SDK1: variants seen among roughly 807,000 people sequenced by gnomAD.
SDK1 encodes the protein protein sidekick-1.
A neutral mutation model predicts 245.5 loss-of-function variants in SDK1; 157 were observed. The observed-to-expected ratio is 0.64, with a 90% CI of 0.56 to 0.73. The LOEUF is 0.73. Ranked by LOEUF, SDK1 falls within the 30% of genes least tolerant of loss-of-function variation. The pLI, the probability that SDK1 is intolerant of heterozygous loss-of-function variation, is 0.00. For missense variants in SDK1, 3,583 were observed against 3,002.3 expected, an observed-to-expected ratio of 1.19 and a Z score of -4.52; for synonymous variants, 1,647 against 1,278.5, an observed-to-expected ratio of 1.29 and a Z score of -6.15.
intron 17 of SDK1, among the ~76,000 whole-genome samples, chr7:4,040,070 C>G (rs1788504099): frequency 1.3e-5 from 2 of 152,102 alleles, no homozygotes; most frequent in African/African-American, 4.8e-5. Context: ...AGCAAAAAAG[C>G]TTTATTGAAT....
intron 5 of SDK1, among the ~76,000 whole-genome samples, chr7:3,848,209 A>C (rs1583473054): frequency 6.6e-6 from 1 of 152,226 alleles, no homozygotes; most frequent in Non-Finnish European, 1.5e-5. Flanking sequence ...ATAAAATGTT[A>C]ATTGGAAACG....
At chr7:4,123,230 G>C (rs1195144348) in intron 25 of SDK1, among the ~76,000 whole-genome samples, 1 of 152,188 alleles carries the variant, frequency 6.6e-6, no homozygotes, top group East Asian at 1.9e-4. Flanking sequence ...TTTGCAGACA[G>C]GGACAGAGGT....
intron 1 of SDK1, among the ~76,000 whole-genome samples, chr7:3,392,974 TTTTTTTC>T (rs1224908189): frequency 7.3e-5 from 10 of 136,306 alleles, no homozygotes; most frequent in Non-Finnish European, 9.3e-5. Context: ...TTTTTTTTTT[TTTTTTTC>T]TTTTTTGAGA....
At chr7:3,405,899 G>C (rs1054168343) in intron 1 of SDK1, among the ~76,000 whole-genome samples, 2 of 144,836 alleles carry the variant, frequency 1.4e-5, no homozygotes, top group African/African-American at 2.6e-5. Flanking sequence ...TGCAACCTCT[G>C]CCTCCCAGGT....
At chr7:4,132,746 G>A (rs552764386) in intron 28 of SDK1, among the ~76,000 whole-genome samples, 1 of 152,108 alleles carries the variant, frequency 6.6e-6, no homozygotes, top group South Asian at 2.1e-4. Context: ...GAAAAAAAAA[G>A]GAGTGATGGT....
intron 1 of SDK1, among the ~76,000 whole-genome samples, chr7:3,432,387 G>A (rs747219045): frequency 1.3e-5 from 2 of 152,040 alleles, no homozygotes; most frequent in Non-Finnish European, 2.9e-5. Context: ...TGATGTAGCA[G>A]TGTCAAAAGG....
intron 4 of SDK1, among the ~76,000 whole-genome samples, chr7:3,649,118 G>A (rs1782932653): frequency 6.6e-6 from 1 of 152,086 alleles, no homozygotes; most frequent in Non-Finnish European, 1.5e-5. Context: ...CCCTCAGTGG[G>A]TGTGTTCTGA....
chr7:4,235,240 C>T (rs981341472), intron 41 of SDK1, among the ~76,000 whole-genome samples: 2 of 152,178 alleles, frequency 1.3e-5, no homozygotes, highest in Non-Finnish European at 2.9e-5. Flanking sequence ...TCTTAGCTCA[C>T]TGCAACCTCC....
intron 1 of SDK1, among the ~76,000 whole-genome samples, chr7:3,433,523 CTTTCCCTA>C (rs1173059299): frequency 1.3e-5 from 2 of 152,092 alleles, no homozygotes; most frequent in Non-Finnish European, 2.9e-5. Flanking sequence ...TCCTTTTTCT[CTTTCCCTA>C]TTTCTTCTTC....
chr7:4,033,320 C>T (rs1027318054), intron 17 of SDK1, among the ~76,000 whole-genome samples: 4 of 152,058 alleles, frequency 2.6e-5, no homozygotes, highest in African/African-American at 4.8e-5. Flanking sequence ...CCAAGTGGAT[C>T]GGAGATATCA....
At chr7:3,572,447 T>G (rs547727895) in intron 1 of SDK1, among the ~76,000 whole-genome samples, 1 of 152,052 alleles carries the variant, frequency 6.6e-6, no homozygotes, top group South Asian at 2.1e-4. Context: ...AGGCATCACT[T>G]CTGACTGGGG....
chr7:3,693,649 T>G (rs1205804885), intron 4 of SDK1, among the ~76,000 whole-genome samples: 4 of 152,226 alleles, frequency 2.6e-5, no homozygotes, highest in Non-Finnish European at 5.9e-5. Context: ...TGTTTTTTTC[T>G]GGCTATAATT....
intron 1 of SDK1, among the ~76,000 whole-genome samples, chr7:3,453,651 G>A (rs554967229): frequency 6.6e-5 from 10 of 152,158 alleles, no homozygotes; most frequent in Non-Finnish European, 1.2e-4. Flanking sequence ...AGCCTCCAGA[G>A]GGAGAGCAGC....
intron 4 of SDK1, among the ~76,000 whole-genome samples, 159 bp downstream of exon 4, chr7:3,642,264 A>G (rs569221273): frequency 6.4e-4 from 98 of 152,340 alleles, no homozygotes; most frequent in Non-Finnish European, 1.2e-3. Flanking sequence ...CTATTTGAGG[A>G]CTGGCTTGAA....
chr7:4,225,562 C>T (rs1416539623), intron 40 of SDK1, among the ~76,000 whole-genome samples: 2 of 152,190 alleles, frequency 1.3e-5, no homozygotes, highest in African/African-American at 2.4e-5. Context: ...CTCAGGTTCT[C>T]ATATGCTGCT....
At chr7:3,745,620 G>T (rs970592761) in intron 4 of SDK1, among the ~76,000 whole-genome samples, 1 of 151,976 alleles carries the variant, frequency 6.6e-6, no homozygotes, top group Admixed American at 6.6e-5. Context: ...CCACAATCAA[G>T]ATGTGCAACT....
intron 4 of SDK1, among the ~76,000 whole-genome samples, chr7:3,647,923 G>A (rs561620953): frequency 2.3e-4 from 35 of 152,220 alleles, no homozygotes; most frequent in Non-Finnish European, 4.0e-4. Flanking sequence ...TGTTGATGAG[G>A]CAGAAAAAAT....
chr7:3,478,869 C>G (rs1384468964), intron 1 of SDK1, among the ~76,000 whole-genome samples: 2 of 151,872 alleles, frequency 1.3e-5, no homozygotes, highest in East Asian at 1.9e-4. Context: ...CTGCTTAGTT[C>G]CAATATATGG....
intron 1 of SDK1, among the ~76,000 whole-genome samples, chr7:3,531,903 A>C (rs1562543938): frequency 6.6e-6 from 1 of 152,160 alleles, no homozygotes; most frequent in Admixed American, 6.5e-5. Context: ...TTTAAACTTG[A>C]TTCATTTATT....
Sources: gnomAD v4.1 joint callset for allele counts (sites outside exome capture counted in the v4.1 genomes callset) on GRCh38, gnomAD v4.1.1 for gene constraint, MANE v1.5 for transcripts, NCBI Gene and HGNC (gene_info 2026-07-23, HGNC 2026-07-21) for gene names.